Variants in ZNF730 observed in about 807,000 individuals in gnomAD.
ZNF730 encodes the protein zinc finger protein 730.
In ZNF730, 12 loss-of-function variants were observed where a neutral mutation model predicts 12.6. The observed-to-expected ratio is 0.95, with a 90% confidence interval of 0.61 to 1.54. The LOEUF is 1.54. Ranked by LOEUF, ZNF730 falls within the 40% of genes most tolerant of loss-of-function variation. The pLI is 0.00. For synonymous variants in ZNF730, 194 were observed against 195.8 expected (o/e 0.99, Z 0.08); for missense variants, 643 against 583.5 (o/e 1.10, Z -1.05).
chr19:23,133,627 CCACCG>C (rs1443570081), intron 1 of ZNF730, among the ~76,000 whole-genome samples: 1 of 152,212 alleles, frequency 6.6e-6, no homozygotes, highest in Non-Finnish European at 1.5e-5. Context: ...CAGGCATGAG[CCACCG>C]CACCAAGATC....
intron 1 of ZNF730, among the ~76,000 whole-genome samples, chr19:23,132,086 C>T (rs1391912797): frequency 6.6e-6 from 1 of 152,176 alleles, no homozygotes; most frequent in Non-Finnish European, 1.5e-5. Context: ...AAAGGAGAAA[C>T]ATATTTTTAC....
intron 3 of ZNF730, among the ~76,000 whole-genome samples, chr19:23,142,929 G>A (rs1352966375): frequency 6.6e-6 from 1 of 151,464 alleles, no homozygotes; most frequent in East Asian, 2.0e-4. Context: ...GGTACCTTGG[G>A]GATTACATAA....
At chr19:23,145,139 T>C in intron 3 of ZNF730, 132 bp from the exon 4 acceptor site, 1 of 626,206 alleles carries the variant, frequency 1.6e-6, no homozygotes, top group South Asian at 4.7e-5. Flanking sequence ...TTTATATGTT[T>C]ATGAAGAAAT....
chr19:23,098,716 C>T (rs1014639324), intron 1 of ZNF730, among the ~76,000 whole-genome samples: 1 of 152,162 alleles, frequency 6.6e-6, no homozygotes, highest in Non-Finnish European at 1.5e-5. Context: ...ATATGACTCT[C>T]CTGCCTGATC....
chr19:23,138,986 A>G (rs1021447382), intron 3 of ZNF730, among the ~76,000 whole-genome samples: 1 of 151,932 alleles, frequency 6.6e-6, no homozygotes, highest in Non-Finnish European at 1.5e-5. Context: ...GTACATTTTT[A>G]CTTTCTATTT....
chr19:23,136,246 A>G, intron 3 of ZNF730: 3 of 328,094 alleles, frequency 9.1e-6, no homozygotes, highest in Non-Finnish European at 1.5e-5. Context: ...AAAATCTCTA[A>G]AAATTCTTTC....
chr19:23,118,388 A>G (rs1970559905), intron 1 of ZNF730, among the ~76,000 whole-genome samples: 2 of 142,618 alleles, frequency 1.4e-5, no homozygotes, highest in Non-Finnish European at 1.5e-5. Context: ...TGTTTTTTTA[A>G]TTTTTATGGG....
chr19:23,145,457 C>T lies in ZNF730; in HGVS notation c.413C>T (p.Thr138Ile), dbSNP rs1326850754. ...TATAATAGACATAACCAGTGTTTGA[C>T]AACTTCCCATAGCAAAATATTTCAG... is the stretch of plus-strand genomic sequence containing the variant. ...KGYNRHNQCLTTSHSKIFQCD... is the reference protein window; with the variant it reads ...KGYNRHNQCLITSHSKIFQCD... The change falls in exon 4 of 4, where the codon ACA (threonine) becomes ATA (isoleucine). Residue 138 changes from threonine to isoleucine, a missense_variant. Thr to Ile is a moderately conservative substitution (Grantham distance 89). Coordinates refer to ENST00000597761, the MANE Select transcript of ZNF730 (RefSeq NM_001277403.2). 1 of 1,571,604 alleles carries T rather than the reference C, an allele frequency of 6.4e-7. No individual in the cohort carries two copies. The highest frequency in any genetic ancestry group is 8.6e-7 in the Non-Finnish European group (1 of 1,160,042).
At chr19:23,088,998 G>A (rs752442395) in intron 1 of ZNF730, among the ~76,000 whole-genome samples, 22 of 151,614 alleles carry the variant, frequency 1.5e-4, no homozygotes, top group African/African-American at 4.6e-4. Flanking sequence ...TCAGCCTCTC[G>A]AGTAGCTGGG....
Position 23,145,689 on chromosome 19 carries a change from C to A in ZNF730, c.645C>A (p.Asn215Lys). ...EYGKAFNESS[N>K]CTTHKRITEK... ...GCAAAGCCTTTAATGAGTCCTCAAA[C>A]TGTACTACACATAAAAGAATTACTG... The change falls in exon 4 of 4, where the codon AAC becomes AAA. Residue 215 changes from asparagine (N) to lysine (K), a missense_variant. By Grantham distance (94) the Asn-to-Lys change is moderately conservative (BLOSUM62 0). Transcript: ENST00000597761. 2 of 1,556,092 alleles carry A rather than the reference C, an allele frequency of 1.3e-6. No homozygotes were observed. Among genetic ancestry groups the A allele is most frequent in the Non-Finnish European group, 1.7e-6 (2 of 1,151,392 alleles).
intron 1 of ZNF730, among the ~76,000 whole-genome samples, chr19:23,121,702 T>C (rs2035172): frequency 0.12 from 18,387 of 152,206 alleles, 1,528 homozygotes; most frequent in African/African-American, 0.23. Flanking sequence ...GTCTGCTTTT[T>C]TTCATAAACA....
In ZNF730 at chr19:23,132,824, C is replaced by T. The variant is rs1202276439; in HGVS notation, c.4-1256C>T. Reference sequence around the variant, plus strand: ...TAGGAGATACTTGTTCTCCATGGTGCTAAAGAAAGACTATTTAAAATAACT... The same window carrying T: ...TAGGAGATACTTGTTCTCCATGGTGTTAAAGAAAGACTATTTAAAATAACT... On this transcript the variant is annotated intron_variant, in intron 1 of 3. Transcript: ENST00000597761. 3.9e-5 allele frequency among the ~76,000 whole-genome samples: 6 copies of T among 152,254 alleles called. No homozygotes were observed. The East Asian group carries it at 7.7e-4, about 20-fold the overall frequency.
chr19:23,083,296 T>C (rs936361098), intron 1 of ZNF730, among the ~76,000 whole-genome samples: 3 of 151,860 alleles, frequency 2.0e-5, no homozygotes, highest in African/African-American at 7.3e-5. Flanking sequence ...TGGTGGCACA[T>C]GCCTGTAGTC....
chr19:23,107,413 TG>T (rs1309683603), intron 1 of ZNF730, among the ~76,000 whole-genome samples: 1 of 127,368 alleles, frequency 7.9e-6, no homozygotes, highest in East Asian at 2.4e-4. Context: ...CTGGACCCTC[TG>T]GTGATATCCT....
At chr19:23,077,486 G>T (rs1969885269) in intron 1 of ZNF730, among the ~76,000 whole-genome samples, 1 of 139,260 alleles carries the variant, frequency 7.2e-6, no homozygotes, top group Non-Finnish European at 1.5e-5. Flanking sequence ...CACCCAGGCT[G>T]GAGTGCAGTA....
chr19:23,078,241 A>G (rs1599560710), intron 1 of ZNF730, among the ~76,000 whole-genome samples: 1 of 151,086 alleles, frequency 6.6e-6, no homozygotes, highest in Admixed American at 6.6e-5. Context: ...GTCTCCAGGC[A>G]TGTGTCTTTA....
chr19:23,113,773 G>C (rs1035065844), upstream of ZNF730, among the ~76,000 whole-genome samples: 1 of 152,050 alleles, frequency 6.6e-6, no homozygotes, highest in Non-Finnish European at 1.5e-5. Context: ...AAAACCCATA[G>C]TTCTGCTATT....
chr19:23,141,045 T>G (rs1193259599), intron 3 of ZNF730, among the ~76,000 whole-genome samples: 1 of 152,066 alleles, frequency 6.6e-6, no homozygotes, highest in African/African-American at 2.4e-5. Flanking sequence ...AAAGGATCGC[T>G]TGAGCCCCAA....
intron 2 of ZNF730, among the ~76,000 whole-genome samples, chr19:23,135,221 TAAAAAAAAAAAAAAAAAAAAAAAAAA>T (rs57748615): frequency 0.016 from 603 of 38,838 alleles, 22 homozygotes; most frequent in Non-Finnish European, 0.02. Flanking sequence ...GAATGATCAA[TAAAAAAAAAAAAAAAAAAAAAAAAAA>T]AAAAAAAAAA....
Sources: allele counts gnomAD v4.1 joint callset (sites outside exome capture counted in the v4.1 genomes callset), GRCh38; gene constraint gnomAD v4.1.1; transcripts MANE v1.5; gene names NCBI Gene and HGNC (gene_info 2026-07-23, HGNC 2026-07-21).